The following GATB variants were observed in gnomAD, a reference collection of about 807,000 sequenced individuals.
GATB encodes the protein glutamyl-tRNA(Gln) amidotransferase subunit B, mitochondrial.
A neutral mutation model predicts 62.3 loss-of-function variants in GATB; 39 were observed. The observed-to-expected ratio is 0.63, with a 90% CI of 0.48 to 0.82. GATB has a LOEUF of 0.82. Ranked by LOEUF, GATB falls within the 40% of genes least tolerant of loss-of-function variation. The probability of loss-of-function intolerance (pLI) is 0.00; values close to 1 mark genes in which losing one functional copy is unlikely to be tolerated. For synonymous variants in GATB, 276 were observed against 258.9 expected (o/e 1.07, Z -0.63); for missense variants, 670 against 684.0 (o/e 0.98, Z 0.23).
chr4:151,679,220 T>G (rs1218158122), intron 11 of GATB, among the ~76,000 whole-genome samples: 1 of 152,214 alleles, frequency 6.6e-6, no homozygotes, highest in African/African-American at 2.4e-5. Flanking sequence ...GTAAGAATCT[T>G]CTGAATTCCA....
intron 5 of GATB, among the ~76,000 whole-genome samples, chr4:151,711,388 C>T (rs778200343): frequency 1.1e-4 from 16 of 152,216 alleles, no homozygotes; most frequent in Admixed American, 2.6e-4. Context: ...CTACCCCTTG[C>T]CTGCCTTTAC....
At chr4:151,687,931 G>C (rs13131249) in intron 10 of GATB, among the ~76,000 whole-genome samples, 14 of 152,228 alleles carry the variant, frequency 9.2e-5, no homozygotes, top group African/African-American at 3.4e-4. Context: ...AGTTGAGTGA[G>C]ACACACTGCA....
chr4:151,718,902 A>T (rs1738969150), intron 3 of GATB, among the ~76,000 whole-genome samples: 1 of 148,452 alleles, frequency 6.7e-6, no homozygotes, highest in Admixed American at 6.6e-5. Context: ...CTGGACCAAC[A>T]GTTTACTGTT....
At chr4:151,710,914 A>C (rs1485616826) in intron 5 of GATB, among the ~76,000 whole-genome samples, 1 of 152,104 alleles carries the variant, frequency 6.6e-6, no homozygotes, top group East Asian at 1.9e-4. Flanking sequence ...TATCTATTTG[A>C]CACCTCCACT....
At chr4:151,720,679 C>A (rs947858436) in intron 2 of GATB, 1 of 152,106 alleles carries the variant, frequency 6.6e-6, no homozygotes, top group African/African-American at 2.4e-5. Flanking sequence ...CTGCATTATT[C>A]CAATATTTCA....
chr4:151,728,421 T>C (rs1739179669), intron 2 of GATB, among the ~76,000 whole-genome samples: 1 of 152,234 alleles, frequency 6.6e-6, no homozygotes, highest in African/African-American at 2.4e-5. Flanking sequence ...AAAAATATTG[T>C]TCTTTTTGAA....
Position 151,715,439 on chromosome 4 carries a change from T to A in GATB, c.763+570A>T, listed in dbSNP as rs571890698. Among the ~76,000 whole-genome samples, 13 of 152,366 alleles carry A rather than the reference T, an allele frequency of 8.5e-5. No individual in the cohort carries two copies. The South Asian group carries it at 2.7e-3, about 32-fold the overall frequency. On this transcript the variant is annotated intron_variant, in intron 5 of 12. Coordinates refer to ENST00000263985, the MANE Select transcript of GATB (RefSeq NM_004564.3). The stretch of plus-strand genomic sequence containing the variant: ...ATCTTTATATGTAATTTACAAATGC[T>A]TATAATGTGTGGTCTGGTCCCAAGG...
intron 9 of GATB, among the ~76,000 whole-genome samples, chr4:151,694,906 C>A (rs952681711): frequency 3.9e-5 from 6 of 152,188 alleles, no homozygotes; most frequent in African/African-American, 1.4e-4. Context: ...GATATCTTTT[C>A]TGTTTCTTTG....
At chr4:151,742,105 T>G (rs1398087080) in intron 2 of GATB, among the ~76,000 whole-genome samples, 1 of 151,442 alleles carries the variant, frequency 6.6e-6, no homozygotes, top group Non-Finnish European at 1.5e-5. Flanking sequence ...TTTTTTTTTT[T>G]TGAGACGGAG....
chr4:151,674,709 T>C (rs1172959455), intron 11 of GATB: 2 of 152,222 alleles, frequency 1.3e-5, no homozygotes, highest in Non-Finnish European at 1.5e-5. Flanking sequence ...CAGATGTATT[T>C]ATCATAATTT....
chr4:151,672,610 T>C, intron 12 of GATB, 152 bp downstream of exon 12: 1 of 760,712 alleles, frequency 1.3e-6, no homozygotes. Context: ...TCTTCTGACC[T>C]TAACTAAAAA....
At chr4:151,698,535 T>G (rs1408592504) in intron 9 of GATB, among the ~76,000 whole-genome samples, 1 of 152,198 alleles carries the variant, frequency 6.6e-6, no homozygotes, top group Non-Finnish European at 1.5e-5. Context: ...AGATGGTTCA[T>G]TAGATTTGTG....
At chr4:151,722,542 C>A in intron 2 of GATB, 2 of 287,056 alleles carry the variant, frequency 7.0e-6, no homozygotes, top group Non-Finnish European at 1.3e-5. Context: ...TTCCTCTGTG[C>A]AAACCGTGCT....
At chr4:151,676,863 C>T (rs1738017652) in intron 11 of GATB, among the ~76,000 whole-genome samples, 1 of 152,088 alleles carries the variant, frequency 6.6e-6, no homozygotes, top group Non-Finnish European at 1.5e-5. Flanking sequence ...TGGCAGGACA[C>T]CTGGGAGGAG....
intron 6 of GATB, 53 bp from the exon 7 acceptor site, chr4:151,705,322 G>A: frequency 9.1e-7 from 1 of 1,096,408 alleles, no homozygotes; most frequent in Non-Finnish European, 1.4e-6. Context: ...CTTTCATCCA[G>A]TCAAGCAATA....
chr4:151,689,813 G>A, intron 9 of GATB, among the ~76,000 whole-genome samples: 1 of 152,102 alleles, frequency 6.6e-6, no homozygotes. Flanking sequence ...CATACGACCA[G>A]CCCTGAGGCA....
chr4:151,683,674 G>C (rs1738190121), intron 10 of GATB, among the ~76,000 whole-genome samples: 1 of 152,216 alleles, frequency 6.6e-6, no homozygotes, highest in Admixed American at 6.5e-5. Flanking sequence ...TTGAGGCTTG[G>C]TGAGTGCCCT....
intron 8 of GATB, 36 bp from the exon 9 acceptor site, chr4:151,701,554 G>A: frequency 7.2e-7 from 1 of 1,382,992 alleles, no homozygotes; most frequent in Non-Finnish European, 9.5e-7. Context: ...TGAATCTGGA[G>A]TACTTGGATT....
intron 2 of GATB, among the ~76,000 whole-genome samples, chr4:151,735,277 A>G (rs1739348480): frequency 6.6e-6 from 1 of 151,982 alleles, no homozygotes. Flanking sequence ...AAAGTGGGCT[A>G]AGGGCATGAA....
Sources: allele counts gnomAD v4.1 joint callset (sites outside exome capture counted in the v4.1 genomes callset), GRCh38; gene constraint gnomAD v4.1.1; transcripts MANE v1.5; gene names NCBI Gene and HGNC (gene_info 2026-07-23, HGNC 2026-07-21).